CLSTN1: variants seen among roughly 807,000 people sequenced by gnomAD.
CLSTN1 encodes calsyntenin 1.
Under a neutral mutation model 108.3 loss-of-function variants are expected in CLSTN1, and 28 were observed. The ratio of observed to expected loss-of-function variants is 0.26; its 90% CI spans 0.19 to 0.35. CLSTN1 has a LOEUF of 0.35. CLSTN1 is among the 10% of genes least tolerant of loss of function. The pLI, the probability that CLSTN1 is intolerant of heterozygous loss-of-function variation, is 1.00. For synonymous variants in CLSTN1, 524 were observed against 534.9 expected (o/e 0.98, Z 0.28); for missense variants, 1,157 against 1,302.6 (o/e 0.89, Z 1.72).
chr1:9,773,737 T>C (rs1189692413), intron 1 of CLSTN1, among the ~76,000 whole-genome samples: 2 of 152,142 alleles, frequency 1.3e-5, no homozygotes, highest in Non-Finnish European at 2.9e-5. Flanking sequence ...TATTTTCACT[T>C]CTTTATGATT....
At chr1:9,772,716 A>G (rs1652750565) in intron 2 of CLSTN1, among the ~76,000 whole-genome samples, 1 of 152,202 alleles carries the variant, frequency 6.6e-6, no homozygotes, top group Admixed American at 6.5e-5. Flanking sequence ...ATAAAGACTG[A>G]GGCTACAATC....
chr1:9,737,530 T>C lies in CLSTN1; in HGVS notation c.1544A>G (p.Asn515Ser), dbSNP rs773767177. 1.5e-5 allele frequency: 24 copies of C among 1,613,982 alleles called. No homozygotes were observed. Among genetic ancestry groups the C allele is most frequent in the Admixed American group, 6.7e-5 (4 of 59,994 alleles). Reference sequence around the variant, plus strand: ...GGCCACAGTCACAGGCTCAGTTTCATTGTCATTTTCAACTCCTGAAAACTC... The same window carrying C: ...GGCCACAGTCACAGGCTCAGTTTCACTGTCATTTTCAACTCCTGAAAACTC... ...WQEFSGVEND[N>S]ETEPVTVASA... Residue 515 changes from asparagine to serine, a missense_variant, in exon 11 of 19, where the codon AAT becomes AGT. Asn to Ser is a conservative substitution (Grantham distance 46, BLOSUM62 1). Transcript: ENST00000377298.
At position 9,734,448 on chromosome 1, in the gene CLSTN1, C is replaced by T. The variant is rs571441624; in HGVS notation, c.2111-306G>A. Among the ~76,000 whole-genome samples the T allele has an allele frequency of 5.3e-4, 80 of 152,032 alleles. No individual in the cohort carries two copies. The highest frequency in any genetic ancestry group is 1.9e-3 in the African/African-American group (77 of 41,488). ...AAATTAACCGGGCGTTGTGGCAGGTCCCTGTAATCCCAGCTATTCGGGAGG... is the reference window on the plus strand; with the variant it reads ...AAATTAACCGGGCGTTGTGGCAGGTTCCTGTAATCCCAGCTATTCGGGAGG... On this transcript the variant is annotated intron_variant, in intron 14 of 18. Coordinates refer to ENST00000377298, the MANE Select transcript of CLSTN1 (RefSeq NM_001009566.3). This position sits in a 1 kb window ranked among gnomAD's most constrained non-coding sequence, Gnocchi z 4.8.
Position 9,744,817 on chromosome 1 carries a change from G to T in CLSTN1, c.986-174C>A, listed in dbSNP as rs12044833. Among the ~76,000 whole-genome samples, 74 of 152,000 alleles carry T rather than the reference G, an allele frequency of 4.9e-4. No homozygotes were observed. In the East Asian group the frequency reaches 0.011, roughly 23 times the overall value. ...TCCCCAGGCTGGAGTACAGTGGCGC[G>T]ATCTCGGTTCATTGCAACCTCCACC... is the stretch of plus-strand genomic sequence containing the variant. On this transcript the variant is annotated intron_variant, in intron 7 of 18. Coordinates refer to ENST00000377298, the MANE Select transcript of CLSTN1 (RefSeq NM_001009566.3).
chr1:9,821,832 A>G (rs1217451368), intron 1 of CLSTN1, among the ~76,000 whole-genome samples: 2 of 152,248 alleles, frequency 1.3e-5, no homozygotes, highest in African/African-American at 4.8e-5. Context: ...TTTATTCCGA[A>G]GACTAAGAAT....
intron 1 of CLSTN1, among the ~76,000 whole-genome samples, chr1:9,786,648 C>CAAAAAAAAAAAAA (rs36003203): frequency 1.3e-4 from 5 of 37,068 alleles, no homozygotes; most frequent in Non-Finnish European, 3.0e-4. Flanking sequence ...GACTCCGTCT[C>CAAAAAAAAAAAAA]AAAAAAAAAA....
At position 9,772,515 on chromosome 1, in the gene CLSTN1, T is replaced by A. The variant is rs1013687499; in HGVS notation, c.214+757A>T. ...CTGGAAAAATATGCGAAAACAACTC[T>A]TAAAAATTAACTTTACAATGTCAAC... On this transcript the variant is annotated intron_variant, in intron 2 of 18. Coordinates refer to ENST00000377298, the MANE Select transcript of CLSTN1 (RefSeq NM_001009566.3). Among the ~76,000 whole-genome samples the A allele has an allele frequency of 2.6e-5, 4 of 152,092 alleles. No homozygotes were observed. In the South Asian group the frequency reaches 6.2e-4, roughly 24 times the overall value.
rs905418750 is a variant in CLSTN1, at chr1:9,730,154, G to A, written c.*354C>T. 2 of 352,800 alleles carry A rather than the reference G, an allele frequency of 5.7e-6. No individual in the cohort carries two copies. 21.9% of individuals were successfully genotyped at this position (352,800 alleles called of 1,614,324 possible). On this transcript the variant is annotated 3_prime_UTR_variant, in exon 19 of 19. Transcript: ENST00000377298. This position sits in a 1 kb window ranked among gnomAD's most constrained non-coding sequence, Gnocchi z 5.6. ...TGGGAGTGAGCATGTTTTACCCTTT[G>A]TCAACGAGCCCAGCTGGCATGGCTT...
chr1:9,770,189 A>G (rs1652601957), intron 2 of CLSTN1, among the ~76,000 whole-genome samples: 1 of 152,236 alleles, frequency 6.6e-6, no homozygotes, highest in Non-Finnish European at 1.5e-5. Flanking sequence ...CAACCAAGTT[A>G]CCACTATAAT....
intron 2 of CLSTN1, among the ~76,000 whole-genome samples, chr1:9,764,680 T>G (rs1570466046): frequency 6.6e-6 from 1 of 150,630 alleles, no homozygotes; most frequent in Non-Finnish European, 1.5e-5. Flanking sequence ...CACATGAGGT[T>G]TGGAGGGGAC....
intron 2 of CLSTN1, among the ~76,000 whole-genome samples, chr1:9,757,364 C>G (rs1242665566): frequency 6.6e-6 from 1 of 151,184 alleles, no homozygotes; most frequent in Non-Finnish European, 1.5e-5. Flanking sequence ...ACCTCAGCCT[C>G]CCGAGTAGCT....
chr1:9,809,590 G>A (rs932199297), intron 1 of CLSTN1, among the ~76,000 whole-genome samples: 2 of 152,086 alleles, frequency 1.3e-5, no homozygotes, highest in African/African-American at 4.8e-5. Flanking sequence ...AGACCAGCCT[G>A]GTCAACATGG....
intron 11 of CLSTN1, among the ~76,000 whole-genome samples, chr1:9,736,246 A>G (rs1238290153): frequency 2.0e-5 from 3 of 152,220 alleles, no homozygotes; most frequent in Non-Finnish European, 1.5e-5. Context: ...CATGGCCTGG[A>G]GAAAGGGAGA....
chr1:9,729,566 C>CT lies in CLSTN1; in HGVS notation c.*941dup, dbSNP rs1475923289. On this transcript the variant is annotated 3_prime_UTR_variant, in exon 19 of 19. Transcript: ENST00000377298. Reference sequence around the variant, plus strand: ...TCTCCAAAAGGAGTGGTCAGCCGGTCTGCAGGACACCTCTCAGTTTCTCCT... The same window carrying CT: ...TCTCCAAAAGGAGTGGTCAGCCGGTCTTGCAGGACACCTCTCAGTTTCTCCT... The CT allele has an allele frequency of 2.0e-5, 3 of 152,670 alleles. No homozygotes were observed. Among genetic ancestry groups the CT allele is most frequent in the Non-Finnish European group, 4.4e-5 (3 of 68,100 alleles). 9.5% of individuals were successfully genotyped at this position (152,670 alleles called of 1,614,324 possible).
intron 1 of CLSTN1, 123 bp from the exon 2 acceptor site, chr1:9,773,517 C>T (rs1570475930): frequency 9.4e-7 from 1 of 1,062,830 alleles, no homozygotes; most frequent in Non-Finnish European, 1.3e-6. Context: ...GAAGACAGTG[C>T]TCACAGTTCT....
At chr1:9,779,730 G>C (rs978271532) in intron 1 of CLSTN1, among the ~76,000 whole-genome samples, 8 of 151,858 alleles carry the variant, frequency 5.3e-5, no homozygotes, top group Admixed American at 5.3e-4. Flanking sequence ...TCCAGCTCAG[G>C]TATCTATGAA....
intron 7 of CLSTN1, 29 bp downstream of exon 7, chr1:9,749,432 C>A (rs749460710): frequency 7.0e-6 from 11 of 1,580,564 alleles, no homozygotes; most frequent in South Asian, 1.1e-5. Context: ...CCAAAGCCAG[C>A]CGGATGCAAG....
intron 1 of CLSTN1, among the ~76,000 whole-genome samples, chr1:9,787,480 T>A (rs1429163063): frequency 6.8e-6 from 1 of 146,714 alleles, no homozygotes; most frequent in Admixed American, 7.1e-5. Context: ...CTCGGCTCAC[T>A]GCAAGCTCCG....
chr1:9,761,179 G>A (rs1212742360), intron 2 of CLSTN1, among the ~76,000 whole-genome samples: 1 of 152,084 alleles, frequency 6.6e-6, no homozygotes, highest in African/African-American at 2.4e-5. Context: ...CATCTAAAAT[G>A]GTCAAAAGGA....
Sources: gnomAD v4.1 joint callset for allele counts (sites outside exome capture counted in the v4.1 genomes callset) on GRCh38, gnomAD v4.1.1 for gene constraint, Gnocchi (gnomAD v3.1) non-coding constraint, MANE v1.5 for transcripts, NCBI Gene and HGNC (gene_info 2026-07-23, HGNC 2026-07-21) for gene names.